The following IGSF21 variants were observed in gnomAD, a reference collection of about 807,000 sequenced individuals.
IGSF21 encodes the protein immunoglobulin superfamily member 21.
Under a neutral mutation model 46.8 loss-of-function variants are expected in IGSF21, and 28 were observed. That is an observed-to-expected ratio of 0.60 (90% CI 0.44 to 0.82). IGSF21 has a LOEUF of 0.82. Among genes scored for constraint, IGSF21 ranks in the 40% least tolerant of loss-of-function variants. The pLI is 0.00. For missense variants in IGSF21, 624 were observed against 665.5 expected (o/e 0.94, Z 0.69); for synonymous variants, 284 against 273.6 (o/e 1.04, Z -0.38).
intron 1 of IGSF21, chr1:18,112,056 T>C (rs1279136170): frequency 6.6e-6 from 1 of 152,306 alleles, no homozygotes; most frequent in Non-Finnish European, 1.5e-5. Context: ...CTTAGGGGAC[T>C]TGCTTAGTTA....
chr1:18,237,748 T>A (rs1317124174), intron 2 of IGSF21, among the ~76,000 whole-genome samples: 1 of 152,178 alleles, frequency 6.6e-6, no homozygotes, highest in Non-Finnish European at 1.5e-5. Context: ...TTTTTCCGCT[T>A]CTCCTATGTG....
intron 1 of IGSF21, among the ~76,000 whole-genome samples, chr1:18,121,431 A>G (rs1246995327): frequency 6.6e-6 from 1 of 151,704 alleles, no homozygotes; most frequent in Admixed American, 6.6e-5. Context: ...CCCTTTGTCC[A>G]GCCCCTTTTC....
At chr1:18,161,897 G>C (rs971860830) in intron 1 of IGSF21, among the ~76,000 whole-genome samples, 4 of 152,098 alleles carry the variant, frequency 2.6e-5, no homozygotes, top group South Asian at 2.1e-4. Flanking sequence ...CCTTGGGCAG[G>C]GCACTTAACG....
At position 18,213,129 on chromosome 1, in the gene IGSF21, T is replaced by C. The variant is rs558363406; in HGVS notation, c.71-14769T>C. ...CTTAAGTCCCCTCCCTCTGATATCC[T>C]GCCATGGGAAACCTCCTTTGGGATG... is the stretch of plus-strand genomic sequence containing the variant. On this transcript the variant is annotated intron_variant, in intron 1 of 9. Transcript: ENST00000251296. Among the ~76,000 whole-genome samples the C allele has an allele frequency of 9.8e-5, 15 of 152,326 alleles. 2 individuals carry two copies. The highest frequency in any genetic ancestry group is 3.6e-4 in the African/African-American group (15 of 41,588).
intron 2 of IGSF21, among the ~76,000 whole-genome samples, chr1:18,289,374 T>C (rs2124563382): frequency 6.6e-6 from 1 of 151,882 alleles, no homozygotes; most frequent in East Asian, 1.9e-4. Context: ...CCACCAGGGG[T>C]GGAAAGGGAC....
At chr1:18,252,655 A>G (rs996336372) in intron 2 of IGSF21, among the ~76,000 whole-genome samples, 3 of 152,194 alleles carry the variant, frequency 2.0e-5, no homozygotes, top group Non-Finnish European at 2.9e-5. Context: ...ATCAGATAAG[A>G]TCTGAGTGGA....
At chr1:18,355,437 G>T (rs531646516) in intron 4 of IGSF21, among the ~76,000 whole-genome samples, 2 of 152,288 alleles carry the variant, frequency 1.3e-5, no homozygotes, top group East Asian at 1.9e-4. Context: ...GATGTTAACT[G>T]TTGAGTCTAA....
chr1:18,208,524 G>C (rs866994674), intron 1 of IGSF21, among the ~76,000 whole-genome samples: 19 of 146,254 alleles, frequency 1.3e-4, no homozygotes, highest in African/African-American at 4.5e-4. Flanking sequence ...TGGGACTACA[G>C]GAGCCCACCA....
At chr1:18,274,593 T>G (rs142222305) in intron 2 of IGSF21, among the ~76,000 whole-genome samples, 9 of 152,354 alleles carry the variant, frequency 5.9e-5, no homozygotes, top group African/African-American at 2.2e-4. Flanking sequence ...AAGAGCAGAG[T>G]TGATTAATTG....
At chr1:18,227,683 A>G (rs946475456) in intron 1 of IGSF21, among the ~76,000 whole-genome samples, 3 of 151,638 alleles carry the variant, frequency 2.0e-5, no homozygotes, top group African/African-American at 7.3e-5. Flanking sequence ...CAAAAAGGAG[A>G]TGTTGAAGAG....
intron 1 of IGSF21, among the ~76,000 whole-genome samples, chr1:18,126,933 G>A (rs2086278841): frequency 6.6e-6 from 1 of 152,036 alleles, no homozygotes; most frequent in Non-Finnish European, 1.5e-5. Flanking sequence ...GGGGAATTTG[G>A]AATGATAATC....
chr1:18,332,756 G>C (rs182382644), intron 3 of IGSF21, among the ~76,000 whole-genome samples: 2 of 152,108 alleles, frequency 1.3e-5, no homozygotes, highest in African/African-American at 4.8e-5. Context: ...CATGACAGTC[G>C]GTAGACCAGA....
chr1:18,229,450 C>T (rs185073714), intron 2 of IGSF21, among the ~76,000 whole-genome samples: 1 of 152,310 alleles, frequency 6.6e-6, no homozygotes, highest in South Asian at 2.1e-4. Flanking sequence ...GTCTTGGCTG[C>T]TCTGCTTTGC....
At chr1:18,141,853 G>C (rs983946145) in intron 1 of IGSF21, among the ~76,000 whole-genome samples, 1 of 152,122 alleles carries the variant, frequency 6.6e-6, no homozygotes, top group South Asian at 2.1e-4. Context: ...CCGATTGCTT[G>C]AGGCCAAGAC....
chr1:18,115,758 T>A (rs1205504638), intron 1 of IGSF21: 1 of 140,402 alleles, frequency 7.1e-6, no homozygotes, highest in African/African-American at 2.7e-5. Flanking sequence ...TTTGGGAAGG[T>A]AAAGAAAGAA....
chr1:18,177,956 A>G (rs2086819085), intron 1 of IGSF21, among the ~76,000 whole-genome samples: 1 of 152,072 alleles, frequency 6.6e-6, no homozygotes, highest in African/African-American at 2.4e-5. Flanking sequence ...GGTGGGCACG[A>G]TGGGGCGAGT....
intron 1 of IGSF21, among the ~76,000 whole-genome samples, chr1:18,147,622 T>C (rs1425278185): frequency 6.6e-6 from 1 of 152,184 alleles, no homozygotes; most frequent in Admixed American, 6.5e-5. Context: ...GTTTTTTTGC[T>C]CATCATCTGT....
At chr1:18,377,038 G>A (rs752720789) in intron 8 of IGSF21, 46 bp downstream of exon 8, 1 of 1,541,594 alleles carries the variant, frequency 6.5e-7, no homozygotes, top group African/African-American at 1.4e-5. Context: ...CACAGGGGCG[G>A]GTCCTGTCTG....
chr1:18,367,481 C>G (rs957940617), intron 6 of IGSF21, among the ~76,000 whole-genome samples: 1 of 151,986 alleles, frequency 6.6e-6, no homozygotes, highest in African/African-American at 2.4e-5. Flanking sequence ...TTGGTGCCTT[C>G]TTCACTCACT....
Sources: gnomAD v4.1 joint callset for allele counts (sites outside exome capture counted in the v4.1 genomes callset) on GRCh38, gnomAD v4.1.1 for gene constraint, MANE v1.5 for transcripts, NCBI Gene and HGNC (gene_info 2026-07-23, HGNC 2026-07-21) for gene names.